The following SBF2 variants were observed in gnomAD, a reference collection of about 807,000 sequenced individuals.
SBF2 encodes myotubularin-related protein 13.
SBF2 carries 112 observed loss-of-function variants against 225.2 expected under a neutral mutation model. The ratio of observed to expected loss-of-function variants is 0.50; its 90% CI spans 0.43 to 0.58. The LOEUF is 0.58. Among genes scored for constraint, SBF2 ranks in the 20% least tolerant of loss-of-function variants. SBF2 has a pLI of 0.00. For missense variants in SBF2, 1,996 were observed against 2,206.2 expected (o/e 0.90, Z 1.91); for synonymous variants, 763 against 773.3 (o/e 0.99, Z 0.22).
At chr11:9,831,187 T>A (rs1052366792) in intron 27 of SBF2, among the ~76,000 whole-genome samples, 1 of 152,066 alleles carries the variant, frequency 6.6e-6, no homozygotes, top group Non-Finnish European at 1.5e-5. Flanking sequence ...TTTGTAGATA[T>A]GGGGTTTTGC....
At chr11:9,788,988 T>C (rs1246764839) in intron 35 of SBF2, 121 bp downstream of exon 35, 2 of 837,190 alleles carry the variant, frequency 2.4e-6, no homozygotes, top group African/African-American at 3.4e-5. Context: ...GGTTTCTTCA[T>C]AACCATAACC....
intron 16 of SBF2, among the ~76,000 whole-genome samples, chr11:9,943,529 T>C (rs897915822): frequency 4.7e-5 from 7 of 149,750 alleles, no homozygotes; most frequent in African/African-American, 1.7e-4. Flanking sequence ...CATAAATCAA[T>C]GAGAAAAAAA....
At chr11:9,805,634 T>C (rs1853773801) in intron 32 of SBF2, among the ~76,000 whole-genome samples, 1 of 152,166 alleles carries the variant, frequency 6.6e-6, no homozygotes, top group Non-Finnish European at 1.5e-5. Flanking sequence ...TTTTTTTTTT[T>C]TCCCCCAAGA....
intron 2 of SBF2, among the ~76,000 whole-genome samples, chr11:10,094,900 G>A (rs1266041683): frequency 6.6e-6 from 1 of 150,778 alleles, no homozygotes; most frequent in Non-Finnish European, 1.5e-5. Flanking sequence ...TTAGACTCAT[G>A]AAGCATAAAA....
At chr11:10,267,353 T>C (rs1962096380) in intron 1 of SBF2, among the ~76,000 whole-genome samples, 2 of 152,046 alleles carry the variant, frequency 1.3e-5, no homozygotes, top group Admixed American at 6.6e-5. Flanking sequence ...GCCAAACCTC[T>C]ATCCTAACAG....
At chr11:9,964,115 T>C (rs571128122) in intron 14 of SBF2, among the ~76,000 whole-genome samples, 1 of 152,164 alleles carries the variant, frequency 6.6e-6, no homozygotes, top group African/African-American at 2.4e-5. Context: ...CCGGGCATGG[T>C]GTCTTGCACT....
chr11:10,165,824 T>C (rs1003335216), intron 2 of SBF2, among the ~76,000 whole-genome samples: 3 of 152,206 alleles, frequency 2.0e-5, no homozygotes, highest in African/African-American at 7.2e-5. Flanking sequence ...AAAAAGGAAT[T>C]TGAATATGTA....
At chr11:9,954,665 T>C (rs1185588538) in intron 16 of SBF2, among the ~76,000 whole-genome samples, 3 of 152,296 alleles carry the variant, frequency 2.0e-5, no homozygotes, top group East Asian at 1.9e-4. Context: ...AGTAAATCAA[T>C]TGTATTTGAA....
intron 1 of SBF2, among the ~76,000 whole-genome samples, chr11:10,278,249 T>C (rs954998839): frequency 6.6e-6 from 1 of 152,194 alleles, no homozygotes; most frequent in Non-Finnish European, 1.5e-5. Context: ...TAAAAACTTA[T>C]GAAAAATTTT....
intron 17 of SBF2, among the ~76,000 whole-genome samples, chr11:9,863,475 T>G (rs532432510): frequency 1.4e-4 from 21 of 152,336 alleles, no homozygotes; most frequent in African/African-American, 4.8e-4. Context: ...GGAGATTTCC[T>G]ATCTAGTTCT....
chr11:10,219,629 A>T (rs1048418862), intron 1 of SBF2, among the ~76,000 whole-genome samples: 2 of 152,094 alleles, frequency 1.3e-5, no homozygotes, highest in African/African-American at 4.8e-5. Flanking sequence ...CCAAACTTCT[A>T]TGCTCTGCTT....
intron 17 of SBF2, among the ~76,000 whole-genome samples, chr11:9,865,604 T>C (rs1213616493): frequency 6.8e-6 from 1 of 146,780 alleles, no homozygotes; most frequent in Non-Finnish European, 1.5e-5. Context: ...GGCAGAAGAA[T>C]TGCTTGAACC....
At chr11:10,267,693 G>A (rs921244674) in intron 1 of SBF2, among the ~76,000 whole-genome samples, 13 of 151,878 alleles carry the variant, frequency 8.6e-5, no homozygotes, top group African/African-American at 3.1e-4. Flanking sequence ...TGGTCCAGAT[G>A]GCTATACAAA....
chr11:9,924,260 T>C (rs1863854105), intron 16 of SBF2, among the ~76,000 whole-genome samples: 2 of 152,172 alleles, frequency 1.3e-5, no homozygotes, highest in South Asian at 2.1e-4. Flanking sequence ...ACTTTTAGTA[T>C]AGTATTCAAT....
intron 32 of SBF2, among the ~76,000 whole-genome samples, chr11:9,804,366 T>C (rs1853667731): frequency 6.6e-6 from 1 of 152,246 alleles, no homozygotes; most frequent in African/African-American, 2.4e-5. Flanking sequence ...AGGTAGCTGC[T>C]GTTTTCTTTC....
At chr11:10,126,040 T>C (rs779935737) in intron 2 of SBF2, among the ~76,000 whole-genome samples, 3 of 152,182 alleles carry the variant, frequency 2.0e-5, no homozygotes, top group Non-Finnish European at 4.4e-5. Flanking sequence ...TGAATCTTGG[T>C]TACTTAGTTT....
chr11:9,794,346 C>T (rs895465611), intron 33 of SBF2, among the ~76,000 whole-genome samples: 7 of 152,214 alleles, frequency 4.6e-5, no homozygotes, highest in African/African-American at 1.2e-4. Flanking sequence ...AGCTGAGTGA[C>T]ATGGTGACCC....
intron 16 of SBF2, among the ~76,000 whole-genome samples, chr11:9,899,498 T>C: frequency 1.1e-5 from 1 of 91,900 alleles, no homozygotes; most frequent in Non-Finnish European, 2.3e-5. Context: ...AGAGAGACAC[T>C]GTCAAAAAAA....
chr11:10,254,856 G>A (rs1488174325), intron 1 of SBF2, among the ~76,000 whole-genome samples: 8 of 122,884 alleles, frequency 6.5e-5, no homozygotes. Flanking sequence ...AGCTGAGATT[G>A]TGCCATTGCA....
Sources: gnomAD v4.1 joint callset for allele counts (sites outside exome capture counted in the v4.1 genomes callset) on GRCh38, gnomAD v4.1.1 for gene constraint, MANE v1.5 for transcripts, NCBI Gene and HGNC (gene_info 2026-07-23, HGNC 2026-07-21) for gene names.